The following SIDT1 variants were observed in gnomAD, a reference collection of about 807,000 sequenced individuals.
SIDT1 encodes SID1 transmembrane family member 1.
A neutral mutation model predicts 107.5 loss-of-function variants in SIDT1; 101 were observed. The observed-to-expected ratio is 0.94, with a 90% CI of 0.80 to 1.11. The LOEUF is 1.11. SIDT1 is among the 50% of genes least tolerant of loss of function. The pLI, the probability that SIDT1 is intolerant of heterozygous loss-of-function variation, is 0.00. For synonymous variants in SIDT1, 395 were observed against 398.2 expected, an observed-to-expected ratio of 0.99 and a Z score of 0.10; for missense variants, 1,076 against 1,058.2, an observed-to-expected ratio of 1.02 and a Z score of -0.23.
chr3:113,601,737 A>G, intron 11 of SIDT1, 78 bp downstream of exon 11: 2 of 938,878 alleles, frequency 2.1e-6, no homozygotes, highest in Middle Eastern at 4.3e-4. Flanking sequence ...TCCAGCCACT[A>G]ATAACTGGGA....
chr3:113,593,085 C>G (rs371038826), intron 10 of SIDT1, 37 bp downstream of exon 10: 18 of 1,559,948 alleles, frequency 1.2e-5, no homozygotes, highest in Non-Finnish European at 1.6e-5. Flanking sequence ...AAAATGGTGT[C>G]GCATAGTGTG....
chr3:113,577,000 C>G, intron 4 of SIDT1, 33 bp downstream of exon 4: 1 of 1,602,240 alleles, frequency 6.2e-7, no homozygotes, highest in Non-Finnish European at 8.6e-7. Context: ...TTATCAACAT[C>G]CTACCTGTTG....
intron 14 of SIDT1, chr3:113,606,635 C>A (rs1945353315): frequency 6.4e-6 from 1 of 155,220 alleles, no homozygotes; most frequent in East Asian, 1.9e-4. Flanking sequence ...CTACCTGCCT[C>A]ATGTTTACCA....
intron 19 of SIDT1, chr3:113,615,146 T>G: frequency 6.8e-7 from 1 of 1,474,340 alleles, no homozygotes; most frequent in Non-Finnish European, 9.2e-7. Context: ...CTGGCTGTCC[T>G]GGCAGCCCTG....
intron 2 of SIDT1, among the ~76,000 whole-genome samples, chr3:113,567,285 C>G (rs1236069932): frequency 9.9e-5 from 15 of 152,246 alleles, no homozygotes; most frequent in African/African-American, 3.6e-4. Flanking sequence ...AATGGCTTAG[C>G]GTAATGTAGA....
chr3:113,544,948 C>A (rs1302564696), intron 1 of SIDT1, among the ~76,000 whole-genome samples: 2 of 151,872 alleles, frequency 1.3e-5, no homozygotes, highest in African/African-American at 2.4e-5. Flanking sequence ...AACCCCGTCT[C>A]TACTAAAAAT....
chr3:113,555,435 C>T (rs995501596), intron 1 of SIDT1, among the ~76,000 whole-genome samples: 1 of 152,198 alleles, frequency 6.6e-6, no homozygotes, highest in East Asian at 1.9e-4. Context: ...GGGAGTCAAA[C>T]ATTTATTGAT....
At chr3:113,616,519 G>A (rs1039702602) in intron 20 of SIDT1, among the ~76,000 whole-genome samples, 3 of 152,076 alleles carry the variant, frequency 2.0e-5, no homozygotes, top group Non-Finnish European at 4.4e-5. Flanking sequence ...AGCATGGGAG[G>A]AGGGAGAAGA....
intron 1 of SIDT1, among the ~76,000 whole-genome samples, chr3:113,559,307 A>C (rs1292418741): frequency 6.6e-6 from 1 of 152,236 alleles, no homozygotes. Flanking sequence ...TTTCATTAGC[A>C]ATATGCAAAT....
chr3:113,532,707 A>C lies in SIDT1; in HGVS notation c.-315A>C. The C allele has an allele frequency of 3.3e-6, 1 of 306,416 alleles. No homozygotes were observed. Among genetic ancestry groups the C allele is most frequent in the Non-Finnish European group, 6.0e-6 (1 of 167,758 alleles). 19.0% of individuals were successfully genotyped at this position (306,416 alleles called of 1,614,324 possible). On this transcript the variant is annotated 5_prime_UTR_variant, in exon 1 of 25. Coordinates refer to ENST00000264852, the MANE Select transcript of SIDT1 (RefSeq NM_017699.3). Reference sequence around the variant, plus strand: ...AGATCGGTCTAAATTCTGGCTGGGTAAGTGGGGGGATTCTCGGCGATGAGA... The same window carrying C: ...AGATCGGTCTAAATTCTGGCTGGGTCAGTGGGGGGATTCTCGGCGATGAGA...
intron 10 of SIDT1, among the ~76,000 whole-genome samples, chr3:113,593,963 A>G (rs995744047): frequency 2.6e-5 from 4 of 152,208 alleles, no homozygotes; most frequent in Non-Finnish European, 5.9e-5. Flanking sequence ...AAATGTCCTC[A>G]TTTTTGAAAA....
chr3:113,595,483 A>G (rs1434919758), intron 10 of SIDT1, among the ~76,000 whole-genome samples: 1 of 151,552 alleles, frequency 6.6e-6, no homozygotes, highest in African/African-American at 2.4e-5. Flanking sequence ...GGAGGCTGCT[A>G]TGGGAGGATC....
chr3:113,547,204 A>G (rs754960465), intron 1 of SIDT1, among the ~76,000 whole-genome samples: 1 of 152,152 alleles, frequency 6.6e-6, no homozygotes, highest in East Asian at 1.9e-4. Context: ...ACATGTATCA[A>G]AATATCACAC....
chr3:113,581,219 G>A (rs1451868742), intron 5 of SIDT1, 142 bp from the exon 6 acceptor site: 3 of 678,600 alleles, frequency 4.4e-6, no homozygotes, highest in African/African-American at 1.8e-5. Context: ...GACTGTTCAA[G>A]GGGGGAAATT....
Position 113,610,998 on chromosome 3 carries a change from G to C in SIDT1, c.1721-10G>C. 3.7e-6 allele frequency: 6 copies of C among 1,612,042 alleles called. No homozygotes were observed. The highest frequency in any genetic ancestry group is 4.2e-6 in the Non-Finnish European group (5 of 1,178,888). On this transcript the variant is annotated splice_polypyrimidine_tract_variant and intron_variant, in intron 17 of 24. Coordinates refer to ENST00000264852, the MANE Select transcript of SIDT1 (RefSeq NM_017699.3). ...ATCCTGATCATCTGGCTCCTCCTTT[G>C]GGTCCTCAGACACCTCCTTCATGTA...
At chr3:113,577,822 A>C (rs967582602) in intron 4 of SIDT1, among the ~76,000 whole-genome samples, 2 of 152,210 alleles carry the variant, frequency 1.3e-5, no homozygotes, top group Non-Finnish European at 2.9e-5. Context: ...GGTGCTGGTA[A>C]ATAGTTAAGA....
At chr3:113,617,988 A>C (rs1946220949) in intron 20 of SIDT1, among the ~76,000 whole-genome samples, 1 of 152,182 alleles carries the variant, frequency 6.6e-6, no homozygotes, top group South Asian at 2.1e-4. Flanking sequence ...ATGTACACTC[A>C]TGGGTTTTAA....
chr3:113,564,783 C>T (rs1941750127), intron 1 of SIDT1, among the ~76,000 whole-genome samples: 1 of 152,022 alleles, frequency 6.6e-6, no homozygotes, highest in African/African-American at 2.4e-5. Flanking sequence ...ACTCAGAGCT[C>T]GAGAAAGAGA....
intron 1 of SIDT1, 80 bp from the exon 2 acceptor site, chr3:113,566,340 G>T (rs1307909858): frequency 2.5e-5 from 6 of 242,994 alleles, no homozygotes; most frequent in Admixed American, 1.3e-4. Context: ...GTGTGTGTTT[G>T]TGTGTGTGTG....
Sources: gnomAD v4.1 joint callset for allele counts (sites outside exome capture counted in the v4.1 genomes callset) on GRCh38, gnomAD v4.1.1 for gene constraint, MANE v1.5 for transcripts, NCBI Gene and HGNC (gene_info 2026-07-23, HGNC 2026-07-21) for gene names.